ATXN1: variants seen among roughly 807,000 people sequenced by gnomAD.
ATXN1 encodes the protein ataxin-1.
ATXN1 carries 8 observed loss-of-function variants against 56.4 expected under a neutral mutation model. The ratio of observed to expected loss-of-function variants is 0.14; its 90% confidence interval spans 0.08 to 0.26. The LOEUF is 0.26. Ranked by LOEUF, ATXN1 falls within the 10% of genes least tolerant of loss-of-function variation. The probability of loss-of-function intolerance (pLI) is 1.00; values close to 1 mark genes in which losing one functional copy is unlikely to be tolerated. For missense variants in ATXN1, 987 were observed against 1,106.5 expected (o/e 0.89, Z 1.53); for synonymous variants, 514 against 494.6 (o/e 1.04, Z -0.52).
intron 6 of ATXN1, among the ~76,000 whole-genome samples, chr6:16,436,215 C>A (rs1280950679): frequency 6.6e-6 from 1 of 152,108 alleles, no homozygotes; most frequent in African/African-American, 2.4e-5. Context: ...AGGTTCTTAA[C>A]ATGTAAGCCA....
At chr6:16,495,818 A>G (rs1364904403) in intron 5 of ATXN1, among the ~76,000 whole-genome samples, 1 of 151,746 alleles carries the variant, frequency 6.6e-6, no homozygotes, top group Admixed American at 6.6e-5. Flanking sequence ...AGCCGAGATC[A>G]TGCCACTGCA....
At chr6:16,573,448 G>A (rs1220495519) in intron 4 of ATXN1, among the ~76,000 whole-genome samples, 7 of 152,008 alleles carry the variant, frequency 4.6e-5, no homozygotes, top group South Asian at 4.2e-4. Context: ...ACCCTCAAAC[G>A]AATAGGCTCC....
At chr6:16,514,028 T>C (rs1761131136) in intron 5 of ATXN1, among the ~76,000 whole-genome samples, 1 of 152,162 alleles carries the variant, frequency 6.6e-6, no homozygotes, top group South Asian at 2.1e-4. Flanking sequence ...TCCTTGGAGC[T>C]GAAGAGTTGC....
At position 16,613,271 on chromosome 6, in the gene ATXN1, C is replaced by CAAAAAA. The variant is rs765813165; in HGVS notation, c.-488-27370_-488-27365dup. Among the ~76,000 whole-genome samples, 13 of 52,502 alleles carry CAAAAAA rather than the reference C, an allele frequency of 2.5e-4. 1 individual carries two copies. The highest frequency in any genetic ancestry group is 7.1e-4 in the African/African-American group (11 of 15,388). The allele number at this position is 52,502 out of a possible 152,430, so 34.4% of individuals were successfully genotyped here. A position where few individuals can be genotyped will look rare whatever the true frequency, so the allele number is the denominator to read the frequency against. ...TGGGCGACAGAGCGAGACTCCGTCT[C>CAAAAAA]AAAAAAAAAAAAAAAAAAAAAAAAT... On this transcript the variant is annotated intron_variant, in intron 3 of 7. Transcript: ENST00000436367.
intron 6 of ATXN1, among the ~76,000 whole-genome samples, chr6:16,395,920 C>T (rs1393670701): frequency 7.1e-6 from 1 of 141,510 alleles, no homozygotes; most frequent in Non-Finnish European, 1.5e-5. Flanking sequence ...GTGGCTGAGG[C>T]AGAAGAATCA....
intron 6 of ATXN1, among the ~76,000 whole-genome samples, chr6:16,400,422 C>A (rs1241448521): frequency 6.6e-6 from 1 of 152,180 alleles, no homozygotes; most frequent in Non-Finnish European, 1.5e-5. Flanking sequence ...CTCTTCTGAC[C>A]ACGTGGCCAT....
chr6:16,481,595 A>C (rs1355748744), intron 6 of ATXN1, among the ~76,000 whole-genome samples: 2 of 152,168 alleles, frequency 1.3e-5, no homozygotes, highest in South Asian at 2.1e-4. Context: ...AAAATTCCAG[A>C]AACCTTTATT....
Position 16,572,459 on chromosome 6 carries a change from G to A in ATXN1, c.-361+13321C>T, listed in dbSNP as rs1052926176. 2.0e-5 allele frequency among the ~76,000 whole-genome samples: 3 copies of A among 152,242 alleles called. 1 individual carries two copies. The highest frequency in any genetic ancestry group is 2.1e-4 in the South Asian group (1 of 4,820). ...ACACCTACGGTTCTGCCCCTGAACC[G>A]CAAGGCCATACCTCCCCAAGACTGA... On this transcript the variant is annotated intron_variant, in intron 4 of 7. Transcript: ENST00000436367.
intron 6 of ATXN1, among the ~76,000 whole-genome samples, chr6:16,436,157 CA>C (rs954467233): frequency 1.4e-4 from 22 of 152,230 alleles, no homozygotes; most frequent in Middle Eastern, 6.8e-3. Context: ...TTCAGCCTCC[CA>C]AAGTGCTGGG....
chr6:16,578,695 T>C (rs926666105), intron 4 of ATXN1, among the ~76,000 whole-genome samples: 1 of 149,912 alleles, frequency 6.7e-6, no homozygotes, highest in Non-Finnish European at 1.5e-5. Flanking sequence ...AAAAGACAGA[T>C]CCATTTATGT....
At chr6:16,373,144 G>T (rs554699678) in intron 6 of ATXN1, among the ~76,000 whole-genome samples, 2 of 152,154 alleles carry the variant, frequency 1.3e-5, no homozygotes, top group Non-Finnish European at 2.9e-5. Flanking sequence ...CATGTTGCCT[G>T]AGAACATGTC....
At chr6:16,527,989 A>G (rs1761426293) in intron 4 of ATXN1, among the ~76,000 whole-genome samples, 1 of 152,122 alleles carries the variant, frequency 6.6e-6, no homozygotes, top group Non-Finnish European at 1.5e-5. Flanking sequence ...GTGCTATACA[A>G]TGGCTTTTTT....
At chr6:16,437,919 T>C (rs955199527) in intron 6 of ATXN1, among the ~76,000 whole-genome samples, 2 of 152,204 alleles carry the variant, frequency 1.3e-5, no homozygotes, top group Non-Finnish European at 2.9e-5. Context: ...CCTTGGCTAC[T>C]ATGGGTGTTC....
chr6:16,326,275 G>A lies in ATXN1; in HGVS notation c.1917+119C>T. On this transcript the variant is annotated intron_variant, in intron 7 of 7. Coordinates refer to ENST00000436367, the MANE Select transcript of ATXN1 (RefSeq NM_001128164.2). The surrounding 1 kb of genome is among the most constrained non-coding windows in gnomAD (Gnocchi z 6.6). ...CGCAGTTGGGAAAGGCCGAGTCTAA[G>A]GTCTAGGTGTACCCGAGAACCCTTA... 2 of 1,484,266 alleles carry A rather than the reference G, an allele frequency of 1.3e-6. No homozygotes were observed. Among genetic ancestry groups the A allele is most frequent in the Non-Finnish European group, 1.8e-6 (2 of 1,123,258 alleles). 91.9% of individuals were successfully genotyped at this position (1,484,266 alleles called of 1,614,324 possible).
At chr6:16,754,106 GGAA>G (rs1561840073) in intron 1 of ATXN1, 1 of 152,114 alleles carries the variant, frequency 6.6e-6, no homozygotes, top group Non-Finnish European at 1.5e-5. Context: ...GCATAGAAAC[GGAA>G]GAAGTTGAGG....
intron 6 of ATXN1, among the ~76,000 whole-genome samples, chr6:16,349,052 C>T (rs1308049944): frequency 1.3e-5 from 2 of 152,188 alleles, no homozygotes; most frequent in African/African-American, 2.4e-5. Flanking sequence ...GTTCCTACCC[C>T]ACAGGCTTGC....
intron 1 of ATXN1, among the ~76,000 whole-genome samples, chr6:16,758,177 A>G (rs1171529940): frequency 6.6e-6 from 1 of 152,208 alleles, no homozygotes. Context: ...AAAATGTGAC[A>G]ATGGGAATAT....
At chr6:16,536,149 C>G (rs1168017567) in intron 4 of ATXN1, among the ~76,000 whole-genome samples, 2 of 152,080 alleles carry the variant, frequency 1.3e-5, no homozygotes, top group Non-Finnish European at 2.9e-5. Flanking sequence ...CCCCGAAGGT[C>G]CAGTCTGCAG....
chr6:16,462,044 G>A (rs1262037892), intron 6 of ATXN1, among the ~76,000 whole-genome samples: 1 of 152,138 alleles, frequency 6.6e-6, no homozygotes, highest in Non-Finnish European at 1.5e-5. Context: ...AACTTCTTTG[G>A]CAAAATACCA....
Sources: gnomAD v4.1 joint callset for allele counts (sites outside exome capture counted in the v4.1 genomes callset) on GRCh38, gnomAD v4.1.1 for gene constraint, Gnocchi (gnomAD v3.1) non-coding constraint, MANE v1.5 for transcripts, NCBI Gene and HGNC (gene_info 2026-07-23, HGNC 2026-07-21) for gene names.